The following RCL1 variants were observed in gnomAD, a reference collection of about 807,000 sequenced individuals.
The protein encoded by RCL1 is RNA 3'-terminal phosphate cyclase-like protein.
In RCL1, 24 loss-of-function variants were observed where a neutral mutation model predicts 42.4. The ratio of observed to expected loss-of-function variants is 0.57; its 90% CI spans 0.41 to 0.80. The LOEUF (loss-of-function observed/expected upper bound fraction) is 0.80, where lower values mean the gene tolerates loss of function less well. Among genes scored for constraint, RCL1 ranks in the 30% least tolerant of loss-of-function variants. The probability of loss-of-function intolerance (pLI) is 0.00; values close to 1 mark genes in which losing one functional copy is unlikely to be tolerated. For missense variants in RCL1, 578 were observed against 467.9 expected, an observed-to-expected ratio of 1.24 and a Z score of -2.17; for synonymous variants, 228 against 177.3, an observed-to-expected ratio of 1.29 and a Z score of -2.27.
intron 7 of RCL1, among the ~76,000 whole-genome samples, chr9:4,846,879 T>C (rs1817532250): frequency 1.5e-5 from 1 of 68,664 alleles, no homozygotes; most frequent in African/African-American, 6.0e-5. Context: ...TTAAATTAGG[T>C]TCTTTAATAT....
Position 4,849,481 on chromosome 9 carries a change from C to G in RCL1, c.902C>G (p.Ala301Gly). ...GCVDSTNQSL[A>G]LLLMTLGQQD... is the part of the protein sequence containing the mutation. ...GTAGACTCGACCAACCAAAGCCTGGCGCTACTACTCATGACCCTTGGACAG... is the reference window on the plus strand; with the variant it reads ...GTAGACTCGACCAACCAAAGCCTGGGGCTACTACTCATGACCCTTGGACAG... The change falls in exon 8 of 9, where the codon GCG (alanine) becomes GGG (glycine). Residue 301 changes from alanine to glycine, a missense_variant. Ala to Gly is a moderately conservative substitution (Grantham distance 60). Coordinates refer to ENST00000381750, the MANE Select transcript of RCL1 (RefSeq NM_005772.5). 3 of 1,614,038 alleles carry G rather than the reference C, an allele frequency of 1.9e-6. No homozygotes were observed. Among genetic ancestry groups the G allele is most frequent in the Non-Finnish European group, 2.5e-6 (3 of 1,179,956 alleles).
intron 1 of RCL1, among the ~76,000 whole-genome samples, chr9:4,805,439 C>G (rs1412199870): frequency 1.3e-5 from 2 of 151,828 alleles, no homozygotes; most frequent in Non-Finnish European, 2.9e-5. Context: ...ACCAAAAAAC[C>G]CCAAATTTCC....
At chr9:4,829,193 C>T (rs985458740) in intron 3 of RCL1, among the ~76,000 whole-genome samples, 1 of 152,140 alleles carries the variant, frequency 6.6e-6, no homozygotes, top group Non-Finnish European at 1.5e-5. Flanking sequence ...GAGAGCGTTT[C>T]TTGAGGAGGG....
In RCL1 at chr9:4,793,437, C is replaced by T. The variant is rs531816038; in HGVS notation, c.136+210C>T. Among the ~76,000 whole-genome samples, 41 of 152,288 alleles carry T rather than the reference C, an allele frequency of 2.7e-4. 1 individual carries two copies. The South Asian group carries it at 6.4e-3, about 24-fold the overall frequency. On this transcript the variant is annotated intron_variant, in intron 1 of 8. Transcript: ENST00000381750. ...CCCGAGGGGAGCGCTCAGCTGCAAGCTGCGCTCGGCGTCTCCGGGGCGCTG... is the reference window on the plus strand; with the variant it reads ...CCCGAGGGGAGCGCTCAGCTGCAAGTTGCGCTCGGCGTCTCCGGGGCGCTG...
chr9:4,850,454 A>T, intron 8 of RCL1: 2 of 303,034 alleles, frequency 6.6e-6, no homozygotes, highest in Non-Finnish European at 1.5e-5. Context: ...CATGAAAACC[A>T]GGAGCTTGAA....
At chr9:4,840,846 A>G (rs1817293012) in intron 5 of RCL1, among the ~76,000 whole-genome samples, 1 of 152,056 alleles carries the variant, frequency 6.6e-6, no homozygotes, top group South Asian at 2.1e-4. Context: ...GTGGGAATGG[A>G]CAGAGAATAG....
At chr9:4,817,999 C>A (rs1816451603) in intron 1 of RCL1, among the ~76,000 whole-genome samples, 1 of 138,948 alleles carries the variant, frequency 7.2e-6, no homozygotes, top group African/African-American at 2.7e-5. Context: ...CGTCTCACTG[C>A]AACTTCTGCC....
intron 1 of RCL1, among the ~76,000 whole-genome samples, chr9:4,796,679 C>T (rs1032112155): frequency 1.4e-4 from 21 of 152,332 alleles, no homozygotes; most frequent in Middle Eastern, 6.8e-3. Flanking sequence ...GGATTACAGG[C>T]ATGAATAACC....
intron 5 of RCL1, among the ~76,000 whole-genome samples, chr9:4,835,236 G>A (rs1817082453): frequency 1.3e-5 from 2 of 152,190 alleles, no homozygotes; most frequent in South Asian, 4.1e-4. Flanking sequence ...AAAGGAGGGT[G>A]GAACCCTGTG....
chr9:4,843,217 C>T (rs1817394605), intron 6 of RCL1, among the ~76,000 whole-genome samples: 1 of 152,086 alleles, frequency 6.6e-6, no homozygotes, highest in Non-Finnish European at 1.5e-5. Context: ...TCTTCTGATT[C>T]AGTGAAGTAT....
intron 1 of RCL1, among the ~76,000 whole-genome samples, chr9:4,808,839 T>C (rs1338530041): frequency 2.0e-5 from 3 of 152,202 alleles, no homozygotes; most frequent in Non-Finnish European, 2.9e-5. Context: ...AGTTTGAAGA[T>C]AGAGGGCAAA....
At chr9:4,857,950 T>TTTTTTTTC (rs1818019233) in intron 8 of RCL1, among the ~76,000 whole-genome samples, 2 of 142,454 alleles carry the variant, frequency 1.4e-5, no homozygotes, top group African/African-American at 2.6e-5. Context: ...TTTTTTTTTT[T>TTTTTTTTC]CAGTGAGTCT....
At chr9:4,851,903 CAG>C (rs1286938767) in intron 8 of RCL1, among the ~76,000 whole-genome samples, 1 of 6,152 alleles carries the variant, frequency 1.6e-4, no homozygotes. Context: ...TTTTTTGAGA[CAG>C]AGTTTCGCTC....
chr9:4,806,017 G>GGGGTGTGT (rs1554636232), intron 1 of RCL1, among the ~76,000 whole-genome samples: 1 of 142,740 alleles, frequency 7.0e-6, no homozygotes, highest in African/African-American at 2.6e-5. Flanking sequence ...ATACCATTGG[G>GGGGTGTGT]GTGTGTGTGT....
In RCL1 at chr9:4,844,698, C is replaced by G. The variant is rs1360841953; in HGVS notation, c.867+17C>G. On this transcript the variant is annotated intron_variant, in intron 7 of 8. Coordinates refer to ENST00000381750, the MANE Select transcript of RCL1 (RefSeq NM_005772.5). ...ATCTACAGGGTATGTCCACAGCTTC[C>G]TCTGATAGAGGAGTGACCAGGAAGC... 1.2e-6 allele frequency: 2 copies of G among 1,605,834 alleles called. No individual in the cohort carries two copies. Among genetic ancestry groups the G allele is most frequent in the East Asian group, 2.2e-5 (1 of 44,766 alleles).
At chr9:4,855,961 G>C (rs1359004622) in intron 8 of RCL1, among the ~76,000 whole-genome samples, 1 of 152,196 alleles carries the variant, frequency 6.6e-6, no homozygotes, top group Non-Finnish European at 1.5e-5. Context: ...GCCAGCTGGG[G>C]AGGGTGTCTG....
intron 2 of RCL1, 129 bp downstream of exon 2, chr9:4,823,748 A>T: frequency 1.6e-6 from 1 of 635,180 alleles, no homozygotes; most frequent in East Asian, 2.8e-5. Flanking sequence ...TTAATGGTAT[A>T]AATATTATGT....
chr9:4,837,872 C>A (rs1484241840), intron 5 of RCL1, among the ~76,000 whole-genome samples: 1 of 152,150 alleles, frequency 6.6e-6, no homozygotes, highest in Non-Finnish European at 1.5e-5. Flanking sequence ...TGGAAATCAT[C>A]CCCAATATAT....
chr9:4,810,584 G>A (rs1039948372), intron 1 of RCL1, among the ~76,000 whole-genome samples: 1 of 151,874 alleles, frequency 6.6e-6, no homozygotes, highest in Non-Finnish European at 1.5e-5. Context: ...TGAAAATTTG[G>A]CTTGTTTCCA....
Sources: allele counts gnomAD v4.1 joint callset (sites outside exome capture counted in the v4.1 genomes callset), GRCh38; gene constraint gnomAD v4.1.1; transcripts MANE v1.5; gene names NCBI Gene and HGNC (gene_info 2026-07-23, HGNC 2026-07-21).